The following PPP2R5C variants were observed in gnomAD, a reference collection of about 807,000 sequenced individuals.
PPP2R5C encodes serine/threonine-protein phosphatase 2A 56 kDa regulatory subunit gamma isoform.
PPP2R5C carries 7 observed loss-of-function variants against 68.9 expected under a neutral mutation model. The ratio of observed to expected loss-of-function variants is 0.10; its 90% CI spans 0.06 to 0.19. The LOEUF (loss-of-function observed/expected upper bound fraction) is 0.19, where lower values mean the gene tolerates loss of function less well. PPP2R5C is among the 10% of genes least tolerant of loss of function. The pLI is 1.00. For missense variants in PPP2R5C, 348 were observed against 641.3 expected (o/e 0.54, Z 4.94); for synonymous variants, 210 against 222.2 (o/e 0.95, Z 0.49).
At chr14:101,867,976 C>T (rs996925255) in intron 2 of PPP2R5C, among the ~76,000 whole-genome samples, 1 of 152,012 alleles carries the variant, frequency 6.6e-6, no homozygotes, top group African/African-American at 2.4e-5. Context: ...ATCTGTTGGC[C>T]GGGTCCTGGG....
chr14:101,871,228 TTTGTTGTTGTTG>T (rs1555395078), intron 2 of PPP2R5C, among the ~76,000 whole-genome samples: 1 of 117,576 alleles, frequency 8.5e-6, no homozygotes, highest in Admixed American at 9.0e-5. Flanking sequence ...TGTTTTGGTT[TTTGTTGTTGTTG>T]TTGTTGTTGT....
chr14:101,829,232 A>C (rs925599048), intron 1 of PPP2R5C, among the ~76,000 whole-genome samples: 2 of 152,120 alleles, frequency 1.3e-5, no homozygotes, highest in East Asian at 3.9e-4. Flanking sequence ...TCCTCCAAGA[A>C]AGAGAAAGGA....
At chr14:101,840,770 T>C (rs932285917) in intron 1 of PPP2R5C, among the ~76,000 whole-genome samples, 3 of 152,214 alleles carry the variant, frequency 2.0e-5, no homozygotes, top group African/African-American at 7.2e-5. Context: ...GTGCTGTTTA[T>C]CAGGGCATAT....
At chr14:101,764,509 T>A (rs755637629) in intron 2 of PPP2R5C, among the ~76,000 whole-genome samples, 2 of 152,206 alleles carry the variant, frequency 1.3e-5, no homozygotes, top group Non-Finnish European at 2.9e-5. Context: ...GCATTCTCTC[T>A]TTTCTATCAT....
intron 1 of PPP2R5C, among the ~76,000 whole-genome samples, chr14:101,830,681 A>G (rs950157514): frequency 2.0e-5 from 3 of 152,190 alleles, no homozygotes; most frequent in Admixed American, 1.3e-4. Context: ...ATGTCATTCC[A>G]TTAAAAGAAA....
chr14:101,879,995 G>A lies in PPP2R5C; in HGVS notation c.295-2166G>A, dbSNP rs1038918078. On this transcript the variant is annotated intron_variant, in intron 2 of 13. Coordinates refer to ENST00000334743, the Ensembl canonical transcript of PPP2R5C. This position sits in a 1 kb window ranked among gnomAD's most constrained non-coding sequence, Gnocchi z 4.2. ...CGTCTGTGGGCTTTGGGGTCAGGGTGCCAGGAGGGGCAGACTAGACCCCTG... is the reference window on the plus strand; with the variant it reads ...CGTCTGTGGGCTTTGGGGTCAGGGTACCAGGAGGGGCAGACTAGACCCCTG... Among the ~76,000 whole-genome samples, 20 of 152,182 alleles carry A rather than the reference G, an allele frequency of 1.3e-4. No homozygotes were observed. The highest frequency in any genetic ancestry group is 4.6e-4 in the Admixed American group (7 of 15,288).
chr14:101,876,671 A>G (rs1284194967), intron 2 of PPP2R5C, among the ~76,000 whole-genome samples: 2 of 152,220 alleles, frequency 1.3e-5, no homozygotes, highest in East Asian at 1.9e-4. Context: ...TGGAAGTGTC[A>G]GGGAGGCAGC....
chr14:101,896,857 T>C (rs985148440), intron 8 of PPP2R5C, among the ~76,000 whole-genome samples: 2 of 152,170 alleles, frequency 1.3e-5, no homozygotes, highest in Non-Finnish European at 2.9e-5. Context: ...CACAGTTCTT[T>C]TGTGAAGTTG....
chr14:101,836,420 A>G (rs913801846), intron 1 of PPP2R5C: 2 of 700,962 alleles, frequency 2.9e-6, no homozygotes, highest in Non-Finnish European at 5.2e-6. Flanking sequence ...AGCTGCTAGA[A>G]TCACACACAC....
intron 1 of PPP2R5C, among the ~76,000 whole-genome samples, chr14:101,814,152 T>G (rs2039525080): frequency 6.6e-6 from 1 of 152,198 alleles, no homozygotes; most frequent in Non-Finnish European, 1.5e-5. Flanking sequence ...TTCCCTAAAA[T>G]TAGGAAGGAA....
chr14:101,869,799 C>T (rs1037977436), intron 2 of PPP2R5C, among the ~76,000 whole-genome samples: 4 of 151,966 alleles, frequency 2.6e-5, no homozygotes, highest in Admixed American at 6.6e-5. Flanking sequence ...GGACTGCAAG[C>T]GCCCATCACA....
intron 8 of PPP2R5C, 97 bp downstream of exon 10, chr14:101,894,657 T>C: frequency 1.7e-6 from 2 of 1,178,046 alleles, no homozygotes; most frequent in Non-Finnish European, 2.5e-6. Flanking sequence ...TCATTCAGAC[T>C]TTTTCATCTT....
rs1462659583 is a variant in PPP2R5C, at chr14:101,764,030, G to GTGT, written c.93+1060_93+1061insTGT. ...GTGTGTGTGTGTGTGTGTGTGTGTG[G>GTGT]GCGCGCGCACTTGCGCGTCGGCCAC... is the stretch of plus-strand genomic sequence containing the variant. On this transcript the variant is annotated intron_variant, in intron 2 of 14. Transcript: ENST00000328724. 8.8e-3 allele frequency among the ~76,000 whole-genome samples: 1,289 copies of GTGT among 146,230 alleles called. 11 individuals are homozygous for GTGT. The highest frequency in any genetic ancestry group is 0.014 in the Non-Finnish European group (891 of 65,724).
upstream of PPP2R5C, chr14:101,761,687 T>TGCCGCC (rs1172580916): frequency 3.2e-3 from 712 of 224,414 alleles, 8 homozygotes; most frequent in African/African-American, 4.3e-3. Context: ...ACGCCGCCGC[T>TGCCGCC]GCCGCCGCCG....
At chr14:101,787,446 T>A (rs2038149203) in intron 3 of PPP2R5C, among the ~76,000 whole-genome samples, 1 of 151,646 alleles carries the variant, frequency 6.6e-6, no homozygotes. Context: ...GTGGATGAAT[T>A]TTCTTGCCCC....
At chr14:101,808,899 TC>T (rs1369920828), upstream of PPP2R5C, among the ~76,000 whole-genome samples, 2 of 152,212 alleles carry the variant, frequency 1.3e-5, no homozygotes, top group African/African-American at 4.8e-5. Context: ...CCGCACCCCC[TC>T]ATGGGATCCT....
Position 101,916,265 on chromosome 14 carries a change from G to A in PPP2R5C, c.1327-1566G>A, listed in dbSNP as rs1428334711. The stretch of plus-strand genomic sequence containing the variant: ...TGGGAGTGAAGGCACAGGGCGCTGA[G>A]GACCTGGTCTGACTGGCCTTCAAGG... On this transcript the variant is annotated intron_variant, in intron 12 of 13. Coordinates refer to ENST00000334743, the Ensembl canonical transcript of PPP2R5C. This position sits in a 1 kb window ranked among gnomAD's most constrained non-coding sequence, Gnocchi z 5.5. 1.3e-5 allele frequency among the ~76,000 whole-genome samples: 2 copies of A among 152,160 alleles called. No homozygotes were observed. The highest frequency in any genetic ancestry group is 4.8e-5 in the African/African-American group (2 of 41,444).
intron 1 of PPP2R5C, among the ~76,000 whole-genome samples, chr14:101,840,526 C>G (rs2041403586): frequency 7.2e-6 from 1 of 138,504 alleles, no homozygotes; most frequent in Non-Finnish European, 1.5e-5. Context: ...CTCCACCGGT[C>G]TTTTATAACC....
At chr14:101,864,680 T>C (rs564589477) in intron 2 of PPP2R5C, among the ~76,000 whole-genome samples, 5 of 150,510 alleles carry the variant, frequency 3.3e-5, no homozygotes, top group African/African-American at 1.2e-4. Context: ...GGGAGGGGAG[T>C]GTTCCCAGCA....
Sources: allele counts gnomAD v4.1 joint callset (sites outside exome capture counted in the v4.1 genomes callset), GRCh38; gene constraint gnomAD v4.1.1; non-coding constraint Gnocchi (gnomAD v3.1); transcripts MANE v1.5; gene names NCBI Gene and HGNC (gene_info 2026-07-23, HGNC 2026-07-21).